Variants in CNTN5 observed in about 807,000 individuals in gnomAD.
The protein encoded by CNTN5 is contactin 5.
Under a neutral mutation model 129.1 loss-of-function variants are expected in CNTN5, and 77 were observed. That is an observed-to-expected ratio of 0.60 (90% CI 0.50 to 0.72). The LOEUF is 0.72. Among genes scored for constraint, CNTN5 ranks in the 30% least tolerant of loss-of-function variants. CNTN5 has a pLI of 0.00. For missense variants in CNTN5, 1,478 were observed against 1,328.8 expected (o/e 1.11, Z -1.75); for synonymous variants, 509 against 465.6 (o/e 1.09, Z -1.20).
intron 3 of CNTN5, among the ~76,000 whole-genome samples, chr11:99,713,479 A>G (rs1264226602): frequency 1.3e-5 from 2 of 151,880 alleles, no homozygotes; most frequent in Admixed American, 1.3e-4. Context: ...CTAATTGAAT[A>G]CCCTTTATTT....
At chr11:99,790,422 A>G (rs1945698588) in intron 3 of CNTN5, among the ~76,000 whole-genome samples, 1 of 151,052 alleles carries the variant, frequency 6.6e-6, no homozygotes. Context: ...ACCATGCTGT[A>G]TTTGGTTTTC....
chr11:99,733,403 G>T (rs2048517), intron 3 of CNTN5, among the ~76,000 whole-genome samples: 2 of 138,574 alleles, frequency 1.4e-5, no homozygotes, highest in African/African-American at 6.3e-5. Context: ...TGCTCATGAT[G>T]TTTTCTCCAC....
chr11:99,905,875 C>A (rs970869222), intron 6 of CNTN5, among the ~76,000 whole-genome samples: 1 of 152,048 alleles, frequency 6.6e-6, no homozygotes, highest in Non-Finnish European at 1.5e-5. Context: ...GAGATATGTT[C>A]CTAGGTATTT....
At chr11:99,808,999 A>G (rs1432887307) in intron 3 of CNTN5, among the ~76,000 whole-genome samples, 1 of 152,166 alleles carries the variant, frequency 6.6e-6, no homozygotes, top group Non-Finnish European at 1.5e-5. Flanking sequence ...GAGCAGCTAC[A>G]CAAGCAGGAG....
intron 21 of CNTN5, chr11:100,337,708 C>A: frequency 1.9e-6 from 1 of 514,120 alleles, no homozygotes; most frequent in Non-Finnish European, 3.8e-6. Context: ...ATATGTTTAG[C>A]CAGGTGGCTT....
intron 1 of CNTN5, among the ~76,000 whole-genome samples, chr11:99,130,585 C>T (rs905234775): frequency 2.6e-5 from 4 of 152,072 alleles, no homozygotes; most frequent in South Asian, 2.1e-4. Flanking sequence ...AATCAGGACT[C>T]GAACTCAGCT....
chr11:99,921,469 A>G (rs1266977692), intron 7 of CNTN5, among the ~76,000 whole-genome samples: 1 of 152,188 alleles, frequency 6.6e-6, no homozygotes, highest in Non-Finnish European at 1.5e-5. Flanking sequence ...TCACCTTAGT[A>G]AAACCTTTTA....
chr11:100,023,700 T>C (rs1081367), intron 9 of CNTN5, among the ~76,000 whole-genome samples: 119,121 of 152,086 alleles, frequency 0.78, 47,164 homozygotes, highest in East Asian at 1. Context: ...AACCACTGAT[T>C]TTTACACTGT....
At chr11:99,854,136 A>G (rs1331362614) in intron 6 of CNTN5, among the ~76,000 whole-genome samples, 1 of 152,132 alleles carries the variant, frequency 6.6e-6, no homozygotes, top group Non-Finnish European at 1.5e-5. Context: ...ATCAGTACAA[A>G]CCATTCTATT....
intron 17 of CNTN5, among the ~76,000 whole-genome samples, chr11:100,260,747 G>A (rs184171617): frequency 7.3e-4 from 111 of 152,026 alleles, no homozygotes; most frequent in African/African-American, 1.9e-3. Flanking sequence ...ATTCAACAAC[G>A]CTTCATGCTA....
At chr11:99,093,803 G>T (rs1866353785) in intron 1 of CNTN5, among the ~76,000 whole-genome samples, 1 of 151,802 alleles carries the variant, frequency 6.6e-6, no homozygotes, top group African/African-American at 2.4e-5. Flanking sequence ...GGAAATGCAG[G>T]TCAGGGCAAG....
At chr11:100,105,717 T>C (rs1945405442) in intron 13 of CNTN5, among the ~76,000 whole-genome samples, 1 of 152,148 alleles carries the variant, frequency 6.6e-6, no homozygotes, top group African/African-American at 2.4e-5. Context: ...GGTCTCATCG[T>C]TTCAGACCTC....
At chr11:99,692,332 T>C (rs890068911) in intron 3 of CNTN5, among the ~76,000 whole-genome samples, 1 of 152,194 alleles carries the variant, frequency 6.6e-6, no homozygotes, top group Non-Finnish European at 1.5e-5. Flanking sequence ...CTTCATAGTG[T>C]CACTGTTCTA....
intron 1 of CNTN5, among the ~76,000 whole-genome samples, chr11:99,287,450 C>T (rs1007230769): frequency 6.6e-6 from 1 of 152,050 alleles, no homozygotes; most frequent in Non-Finnish European, 1.5e-5. Context: ...AAACATCCTT[C>T]TCTCTCATTA....
chr11:99,521,230 T>C (rs77122256), intron 2 of CNTN5, among the ~76,000 whole-genome samples: 3,211 of 152,208 alleles, frequency 0.021, 97 homozygotes, highest in East Asian at 0.094. Flanking sequence ...GGAAAAGATG[T>C]GGCTGAAGGT....
At chr11:99,096,644 C>A (rs1866478415) in intron 1 of CNTN5, among the ~76,000 whole-genome samples, 1 of 151,704 alleles carries the variant, frequency 6.6e-6, no homozygotes, top group South Asian at 2.1e-4. Context: ...GACAGTAGGA[C>A]CCAGTTGTGT....
At chr11:100,067,430 G>A (rs1191716411) in intron 10 of CNTN5, among the ~76,000 whole-genome samples, 1 of 151,364 alleles carries the variant, frequency 6.6e-6, no homozygotes, top group Non-Finnish European at 1.5e-5. Flanking sequence ...ACTGCATATG[G>A]CATCTTAAGC....
chr11:99,840,136 A>G (rs1947437097), intron 4 of CNTN5, among the ~76,000 whole-genome samples: 2 of 152,288 alleles, frequency 1.3e-5, no homozygotes, highest in South Asian at 4.1e-4. Flanking sequence ...GAGTCAGACT[A>G]CTTCACCATG....
intron 3 of CNTN5, among the ~76,000 whole-genome samples, chr11:99,622,578 T>C (rs1436619927): frequency 6.6e-6 from 1 of 152,142 alleles, no homozygotes; most frequent in Non-Finnish European, 1.5e-5. Context: ...AGGTGTGGAA[T>C]AGGATCAATC....
Sources: gnomAD v4.1 joint callset for allele counts (sites outside exome capture counted in the v4.1 genomes callset) on GRCh38, gnomAD v4.1.1 for gene constraint, MANE v1.5 for transcripts, NCBI Gene and HGNC (gene_info 2026-07-23, HGNC 2026-07-21) for gene names.